The following C2CD3 variants were observed in gnomAD, a reference collection of about 807,000 sequenced individuals.
The protein encoded by C2CD3 is C2 domain containing 3 centriole elongation regulator, also known as C2 domain-containing protein 3.
C2CD3 carries 148 observed loss-of-function variants against 234.0 expected under a neutral mutation model. That is an observed-to-expected ratio of 0.63 (90% confidence interval 0.55 to 0.72). C2CD3 has a LOEUF of 0.72. C2CD3 is among the 30% of genes least tolerant of loss of function. The pLI is 0.00. For missense variants in C2CD3, 2,577 were observed against 2,811.5 expected, an observed-to-expected ratio of 0.92 and a Z score of 1.89; for synonymous variants, 1,000 against 1,035.4, an observed-to-expected ratio of 0.97 and a Z score of 0.66.
chr11:74,095,842 G>C (rs1232620097), intron 16 of C2CD3, among the ~76,000 whole-genome samples: 1 of 152,158 alleles, frequency 6.6e-6, no homozygotes, highest in African/African-American at 2.4e-5. Flanking sequence ...AGTGGAAGAA[G>C]GGTAACACCA....
At chr11:74,167,933 C>T (rs1357028991) in intron 2 of C2CD3, 1 of 172,572 alleles carries the variant, frequency 5.8e-6, no homozygotes, top group Non-Finnish European at 1.2e-5. Context: ...TAATGTAAAC[C>T]CCAGAGTTGA....
At chr11:74,138,458 T>C (rs1282629316) in intron 5 of C2CD3, among the ~76,000 whole-genome samples, 1 of 152,164 alleles carries the variant, frequency 6.6e-6, no homozygotes, top group Non-Finnish European at 1.5e-5. Context: ...ATGATAAAGG[T>C]TTTCCCCTCA....
At chr11:74,028,265 G>A (rs1012337398) in intron 32 of C2CD3, 22 bp downstream of exon 32, 17 of 1,469,582 alleles carry the variant, frequency 1.2e-5, no homozygotes, top group Non-Finnish European at 1.5e-5. Flanking sequence ...ATAGAAGAAA[G>A]GTCAGTTGGC....
Position 74,028,363 on chromosome 11 carries a change from G to A in C2CD3, c.6845C>T (p.Pro2282Leu), listed in dbSNP as rs1204797922. ...GPIVVPNFFL[P>L]PQQLEASLRM... ...CAGGGAAGCCTCCAACTGCTGGGGAGGCAAAAAGAAGTTGGGCACCACAAT... is the reference window on the plus strand; with the variant it reads ...CAGGGAAGCCTCCAACTGCTGGGGAAGCAAAAAGAAGTTGGGCACCACAAT... Residue 2282 changes from proline to leucine, a missense_variant, in exon 32 of 33, where the codon CCT becomes CTT. Pro to Leu is a moderately conservative substitution (Grantham distance 98, BLOSUM62 -3). Coordinates refer to ENST00000334126, the MANE Select transcript of C2CD3 (RefSeq NM_001286577.2). 1.3e-6 allele frequency: 2 copies of A among 1,535,928 alleles called. No homozygotes were observed. The highest frequency in any genetic ancestry group is 2.0e-5 in the Admixed American group (1 of 50,952).
At chr11:74,134,213 AG>A (rs771343622) in intron 5 of C2CD3, among the ~76,000 whole-genome samples, 68 of 152,368 alleles carry the variant, frequency 4.5e-4, no homozygotes, top group Admixed American at 1.4e-3. Context: ...TAAAAAATTG[AG>A]GCAGAGAGTA....
chr11:74,102,733 CAAGTT>C (rs1479073564), intron 14 of C2CD3, among the ~76,000 whole-genome samples: 2 of 152,018 alleles, frequency 1.3e-5, no homozygotes, highest in African/African-American at 4.8e-5. Flanking sequence ...ACAGAAAAAT[CAAGTT>C]AAGATGAATA....
intron 7 of C2CD3, among the ~76,000 whole-genome samples, chr11:74,126,933 T>G (rs181155263): frequency 1.8e-4 from 28 of 152,300 alleles, no homozygotes; most frequent in African/African-American, 6.0e-4. Context: ...ACTATTAATC[T>G]ATTTTCTGTT....
intron 27 of C2CD3, 116 bp from the exon 28 acceptor site, chr11:74,048,454 G>T: frequency 2.0e-6 from 2 of 1,007,052 alleles, no homozygotes; most frequent in Non-Finnish European, 2.9e-6. Flanking sequence ...TGAATACTTT[G>T]TGTTAAACAC....
chr11:74,018,442 G>T (rs1951955963), intron 32 of C2CD3, among the ~76,000 whole-genome samples: 1 of 152,108 alleles, frequency 6.6e-6, no homozygotes, highest in African/African-American at 2.4e-5. Context: ...CTGGGATGAG[G>T]GCTAAAGTTC....
chr11:74,023,097 A>G (rs1952153577), intron 32 of C2CD3, among the ~76,000 whole-genome samples: 1 of 152,234 alleles, frequency 6.6e-6, no homozygotes, highest in Admixed American at 6.5e-5. Context: ...GGGAGGGGAA[A>G]TCTGTTTCAC....
chr11:74,072,133 G>C (rs1388524743), intron 24 of C2CD3, among the ~76,000 whole-genome samples: 1 of 151,778 alleles, frequency 6.6e-6, no homozygotes, highest in African/African-American at 2.4e-5. Context: ...TGCTTTGGTG[G>C]GGCAGAAAAT....
intron 26 of C2CD3, 145 bp downstream of exon 26, chr11:74,054,462 C>A: frequency 2.0e-6 from 1 of 512,180 alleles, no homozygotes. Context: ...CCCTCTACCA[C>A]ATATCTGCAT....
intron 23 of C2CD3, among the ~76,000 whole-genome samples, chr11:74,075,599 C>T (rs1314232638): frequency 1.3e-5 from 2 of 152,140 alleles, no homozygotes; most frequent in African/African-American, 4.8e-5. Flanking sequence ...CCTTCTGAAT[C>T]TCAAAGTTTG....
chr11:74,092,610 G>A (rs776305091), intron 18 of C2CD3, 22 bp from the exon 19 acceptor site: 39 of 1,594,742 alleles, frequency 2.4e-5, no homozygotes, highest in Middle Eastern at 1.7e-4. Context: ...AAAAGCACAC[G>A]TTGTCAGAAG....
At chr11:74,135,730 G>T in intron 5 of C2CD3, among the ~76,000 whole-genome samples, 1 of 152,128 alleles carries the variant, frequency 6.6e-6, no homozygotes, top group East Asian at 1.9e-4. Context: ...TTAGGTTTAT[G>T]TATTTGTTGT....
intron 3 of C2CD3, among the ~76,000 whole-genome samples, chr11:74,146,818 C>A (rs913068938): frequency 1.3e-5 from 2 of 151,300 alleles, no homozygotes; most frequent in African/African-American, 4.9e-5. Context: ...TTTGGGAGGC[C>A]GAGGTGGGCA....
intron 32 of C2CD3, among the ~76,000 whole-genome samples, chr11:74,020,972 C>T (rs567599965): frequency 6.6e-6 from 1 of 152,296 alleles, no homozygotes; most frequent in East Asian, 1.9e-4. Flanking sequence ...TAGGAGGTTA[C>T]TGCAATAATC....
rs1951760180 is a variant in C2CD3, at chr11:74,013,364, C to T, written c.*21G>A. On this transcript the variant is annotated 3_prime_UTR_variant, in exon 33 of 33. Coordinates refer to ENST00000334126, the MANE Select transcript of C2CD3 (RefSeq NM_001286577.2). ...CGGAGGGTGGGCAGGTGTCTCCTTC[C>T]CCCCAGCCCCTCAGGCTGCGTCAGT... The T allele has an allele frequency of 3.7e-6, 3 of 821,382 alleles. No homozygotes were observed. Among genetic ancestry groups the T allele is most frequent in the Middle Eastern group, 2.5e-4 (1 of 3,950 alleles). 50.9% of individuals were successfully genotyped at this position (821,382 alleles called of 1,614,324 possible). A position where few individuals can be genotyped will look rare whatever the true frequency, so the allele number is the denominator to read the frequency against.
At chr11:74,080,951 T>A (rs530625562) in intron 22 of C2CD3, among the ~76,000 whole-genome samples, 3 of 152,256 alleles carry the variant, frequency 2.0e-5, no homozygotes, top group African/African-American at 7.2e-5. Context: ...GAGATTTGAA[T>A]CCCATATCAA....
Sources: allele counts gnomAD v4.1 joint callset (sites outside exome capture counted in the v4.1 genomes callset), GRCh38; gene constraint gnomAD v4.1.1; transcripts MANE v1.5; gene names NCBI Gene and HGNC (gene_info 2026-07-23, HGNC 2026-07-21).